The following WDR91 variants were observed in gnomAD, a reference collection of about 807,000 sequenced individuals.
WDR91 encodes WD repeat-containing protein 91.
WDR91 carries 52 observed loss-of-function variants against 88.4 expected under a neutral mutation model. The observed-to-expected ratio is 0.59, with a 90% CI of 0.47 to 0.74. The LOEUF (loss-of-function observed/expected upper bound fraction) is 0.74, where lower values mean the gene tolerates loss of function less well. WDR91 is among the 30% of genes least tolerant of loss of function. WDR91 has a pLI of 0.00. For synonymous variants in WDR91, 362 were observed against 389.5 expected, an observed-to-expected ratio of 0.93 and a Z score of 0.83; for missense variants, 824 against 954.5, an observed-to-expected ratio of 0.86 and a Z score of 1.80.
rs2117674548 is a variant in WDR91 at position 135,198,311 on chromosome 7, C to G, written c.892-160G>C. The stretch of plus-strand genomic sequence containing the variant: ...TATGTAGGTGAGGTCATAGTCAGCC[C>G]CTGCTATGACCTCCTCCTTTCTGTC... On this transcript the variant is annotated intron_variant, in intron 6 of 14. Coordinates refer to ENST00000354475, the MANE Select transcript of WDR91 (RefSeq NM_014149.4). 8 of 720,780 alleles carry G rather than the reference C, an allele frequency of 1.1e-5. No homozygotes were observed. In the South Asian group the frequency reaches 1.6e-4, roughly 14 times the overall value. 44.6% of individuals were successfully genotyped at this position (720,780 alleles called of 1,614,324 possible). A position where few individuals can be genotyped will look rare whatever the true frequency, so the allele number is the denominator to read the frequency against.
chr7:135,209,108 G>C (rs1007670347), intron 2 of WDR91, 110 bp from the exon 3 acceptor site: 1 of 856,806 alleles, frequency 1.2e-6, no homozygotes, highest in East Asian at 2.7e-5. Context: ...TGCCAGGTAA[G>C]TGGCAAAATA....
intron 6 of WDR91, among the ~76,000 whole-genome samples, chr7:135,201,854 A>C (rs192196614): frequency 1.4e-4 from 21 of 152,314 alleles, no homozygotes; most frequent in African/African-American, 4.8e-4. Flanking sequence ...AGTATCTTTG[A>C]GAGAGCATCT....
rs1366298135 is a variant in WDR91 at position 135,211,241 on chromosome 7, G to A, written c.123+139C>T. ...TCTCAGTTCCTCATCCGTCAAGCTG[G>A]GGTCGGACGCGCTGAGGTCTCCGGC... On this transcript the variant is annotated intron_variant, in intron 1 of 14. Coordinates refer to ENST00000354475, the MANE Select transcript of WDR91 (RefSeq NM_014149.4). 26 of 1,340,416 alleles carry A rather than the reference G, an allele frequency of 1.9e-5. No individual in the cohort carries two copies. In the Admixed American group the frequency reaches 7.5e-4, roughly 39 times the overall value. 83.0% of individuals were successfully genotyped at this position (1,340,416 alleles called of 1,614,324 possible).
Position 135,208,944 on chromosome 7 carries a change from G to C in WDR91, c.358C>G (p.Gln120Glu), listed in dbSNP as rs904390913. 1.9e-6 allele frequency: 3 copies of C among 1,614,060 alleles called. No homozygotes were observed. The African/African-American group carries it at 4.0e-5, about 22-fold the overall frequency. Reference sequence around the variant, plus strand: ...CAATCCTTCCACTCAGCCTGGTTCTGGAGTTCCGTGGCCTGCTTTGCAAAG... The same window carrying C: ...CAATCCTTCCACTCAGCCTGGTTCTCGAGTTCCGTGGCCTGCTTTGCAAAG... Reference protein sequence around the residue: ...EFFAKQATELQNQAEWKDWFV... With the variant: ...EFFAKQATELENQAEWKDWFV... Residue 120 changes from glutamine to glutamate, a missense_variant, in exon 3 of 15, where the codon CAG becomes GAG. Coordinates refer to ENST00000354475, the MANE Select transcript of WDR91 (RefSeq NM_014149.4).
intron 7 of WDR91, chr7:135,197,029 C>T (rs974728355): frequency 6.6e-6 from 1 of 152,310 alleles, no homozygotes; most frequent in South Asian, 2.1e-4. Context: ...GTGTTGGCTA[C>T]CATCTGGTGC....
chr7:135,193,498 T>G, intron 10 of WDR91, 80 bp downstream of exon 10: 1 of 1,611,032 alleles, frequency 6.2e-7, no homozygotes, highest in East Asian at 2.2e-5. Flanking sequence ...GATGGGGCAT[T>G]AGGCTTGGGA....
rs1212638571 is a variant in WDR91 at position 135,187,130 on chromosome 7, A to G, written c.1921T>C (p.Ser641Pro). The G allele has an allele frequency of 6.2e-7, 1 of 1,614,138 alleles. No homozygotes were observed. The highest frequency in any genetic ancestry group is 1.3e-5 in the African/African-American group (1 of 74,946). ...WNIHKSGLKV[S>P]EYSLPSDATG... ...GCATCTGAGGGGAGGCTGTACTCGG[A>G]TACCTTGAGGCCACTCTTGTGGATG... is the stretch of plus-strand genomic sequence containing the variant. Residue 641 changes from serine to proline, a missense_variant, in exon 14 of 15, where the codon TCC (serine) becomes CCC (proline). Transcript: ENST00000354475.
chr7:135,188,401 T>G (rs767132140), intron 13 of WDR91, 32 bp downstream of exon 13: 2 of 1,589,154 alleles, frequency 1.3e-6, no homozygotes, highest in Admixed American at 3.3e-5. Context: ...GTCATCCCGG[T>G]GCTCTCTTAT....
chr7:135,208,313 G>T (rs780895262), intron 3 of WDR91, among the ~76,000 whole-genome samples: 7 of 152,132 alleles, frequency 4.6e-5, no homozygotes, highest in Non-Finnish European at 8.8e-5. Flanking sequence ...GTGTTCTCTG[G>T]CAACTTGAGG....
At chr7:135,209,525 T>G in intron 2 of WDR91, 51 bp downstream of exon 2, 6 of 1,468,154 alleles carry the variant, frequency 4.1e-6, no homozygotes, top group Non-Finnish European at 5.4e-6. Flanking sequence ...TATTTTGGGA[T>G]CAAAGAGCTC....
intron 9 of WDR91, 183 bp from the exon 10 acceptor site, chr7:135,193,855 G>C: frequency 1.7e-6 from 1 of 592,156 alleles, no homozygotes. Context: ...AAAGACGTGA[G>C]AGCTGACCTT....
rs1024308898 is a variant in WDR91, at chr7:135,209,701, C to A, written c.178G>T (p.Ala60Ser). 10 of 1,613,332 alleles carry A rather than the reference C, an allele frequency of 6.2e-6. No homozygotes were observed. In the East Asian group the frequency reaches 2.2e-4, roughly 36 times the overall value. Residue 60 changes from alanine to serine, a missense_variant, in exon 2 of 15, where the codon GCC becomes TCC. Transcript: ENST00000354475. ...AAGTAGCTCCAATAATCCCGAAGGGCAGCCAAGTCATACACCTGCATTAAC... is the reference window on the plus strand; with the variant it reads ...AAGTAGCTCCAATAATCCCGAAGGGAAGCCAAGTCATACACCTGCATTAAC... ...QQLMQVYDLA[A>S]LRDYWSYLER...
At chr7:135,209,882 T>G in intron 1 of WDR91, 127 bp from the exon 2 acceptor site, 2 of 805,844 alleles carry the variant, frequency 2.5e-6, no homozygotes, top group Non-Finnish European at 3.6e-6. Flanking sequence ...TAGCAATCTA[T>G]AAAATTTTCA....
At position 135,197,996 on chromosome 7, in the gene WDR91, G is replaced by A. The variant is rs138287191; in HGVS notation, c.1047C>T (p.Ser349=). The stretch of plus-strand genomic sequence containing the variant: ...GGTGTTCAGGACAACCCCATACCTG[G>A]GAAGTGGTTGTGGAGAAAAGCTCCT... ...ERKELFSTTT[S]QCAEKKPEAS... Residue 349 remains serine, a synonymous_variant, in exon 7 of 15, where the codon TCC becomes TCT. Transcript: ENST00000354475. 61 of 1,613,916 alleles carry A rather than the reference G, an allele frequency of 3.8e-5. No individual in the cohort carries two copies. The highest frequency in any genetic ancestry group is 6.7e-5 in the African/African-American group (5 of 74,924).
chr7:135,193,497 T>C (rs1831249201), intron 10 of WDR91, 81 bp downstream of exon 10: 3 of 1,610,986 alleles, frequency 1.9e-6, no homozygotes, highest in Non-Finnish European at 1.7e-6. Flanking sequence ...AGATGGGGCA[T>C]TAGGCTTGGG....
In WDR91 at chr7:135,185,957, A is replaced by AT; in HGVS notation, c.*193dup. The AT allele has an allele frequency of 3.5e-6, 2 of 568,052 alleles. No homozygotes were observed. The highest frequency in any genetic ancestry group is 2.9e-6 in the Non-Finnish European group (1 of 339,490). 35.2% of individuals were successfully genotyped at this position (568,052 alleles called of 1,614,324 possible). A position where few individuals can be genotyped will look rare whatever the true frequency, so the allele number is the denominator to read the frequency against. On this transcript the variant is annotated 3_prime_UTR_variant, in exon 15 of 15. Coordinates refer to ENST00000354475, the MANE Select transcript of WDR91 (RefSeq NM_014149.4). ...GCCACAATACCAGTCTCTGGGAAGC[A>AT]TATGTCACCTACTCCACGTGGGTCC...
chr7:135,205,575 G>T (rs112550606), intron 5 of WDR91, among the ~76,000 whole-genome samples: 2 of 152,154 alleles, frequency 1.3e-5, no homozygotes, highest in Admixed American at 1.3e-4. Context: ...TGGCCAATAC[G>T]ATGAAATCCC....
rs753340687 is a variant in WDR91, at chr7:135,209,760, C to A, written c.124-5G>T. The A allele has an allele frequency of 1.3e-5, 20 of 1,577,862 alleles. No individual in the cohort carries two copies. The highest frequency in any genetic ancestry group is 1.7e-5 in the Non-Finnish European group (20 of 1,159,242). On this transcript the variant is annotated splice_polypyrimidine_tract_variant and splice_region_variant and intron_variant, in intron 1 of 14. Coordinates refer to ENST00000354475, the MANE Select transcript of WDR91 (RefSeq NM_014149.4). Reference sequence around the variant, plus strand: ...CTGGTCCACAATCTTATCCACCTGGCGAGAAACATGGATGGAGAAGGTGGT... The same window carrying A: ...CTGGTCCACAATCTTATCCACCTGGAGAGAAACATGGATGGAGAAGGTGGT...
intron 14 of WDR91, among the ~76,000 whole-genome samples, chr7:135,186,532 T>C (rs763129162): frequency 1.2e-4 from 18 of 152,172 alleles, no homozygotes; most frequent in Non-Finnish European, 2.4e-4. Context: ...AGCGGCTCCT[T>C]AAAAAAAGGC....
Sources: allele counts gnomAD v4.1 joint callset (sites outside exome capture counted in the v4.1 genomes callset), GRCh38; gene constraint gnomAD v4.1.1; transcripts MANE v1.5; gene names NCBI Gene and HGNC (gene_info 2026-07-23, HGNC 2026-07-21).